CEP85: variants seen among roughly 807,000 people sequenced by gnomAD.
The protein encoded by CEP85 is centrosomal protein 85.
In CEP85, 58 loss-of-function variants were observed where a neutral mutation model predicts 93.7. That is an observed-to-expected ratio of 0.62 (90% confidence interval 0.50 to 0.77). The LOEUF (loss-of-function observed/expected upper bound fraction) is 0.77, where lower values mean the gene tolerates loss of function less well. Ranked by LOEUF, CEP85 falls within the 30% of genes least tolerant of loss-of-function variation. The pLI, the probability that CEP85 is intolerant of heterozygous loss-of-function variation, is 0.00. For missense variants in CEP85, 868 were observed against 922.0 expected (o/e 0.94, Z 0.76); for synonymous variants, 314 against 338.6 (o/e 0.93, Z 0.80).
intron 3 of CEP85, among the ~76,000 whole-genome samples, chr1:26,248,534 C>A (rs1040646299): frequency 1.3e-5 from 2 of 151,502 alleles, no homozygotes; most frequent in Non-Finnish European, 2.9e-5. Flanking sequence ...GTCGCTCTGT[C>A]GCCCAGGCTG....
intron 2 of CEP85, among the ~76,000 whole-genome samples, chr1:26,243,562 G>A (rs1051060841): frequency 1.3e-5 from 2 of 152,154 alleles, no homozygotes; most frequent in African/African-American, 2.4e-5. Context: ...GATTATGTTT[G>A]TAAGGTCCTG....
At chr1:26,260,213 AG>A (rs1377931314) in intron 7 of CEP85, among the ~76,000 whole-genome samples, 10 of 152,074 alleles carry the variant, frequency 6.6e-5, no homozygotes, top group African/African-American at 2.4e-4. Context: ...CATGTGCATC[AG>A]GCATGGTGGC....
chr1:26,261,861 A>C (rs1299794148), intron 7 of CEP85, among the ~76,000 whole-genome samples: 2 of 152,120 alleles, frequency 1.3e-5, no homozygotes. Context: ...TTACAATCCC[A>C]GGTGGTATTA....
chr1:26,251,642 C>T (rs2089617544), intron 3 of CEP85, among the ~76,000 whole-genome samples: 1 of 152,164 alleles, frequency 6.6e-6, no homozygotes, highest in Non-Finnish European at 1.5e-5. Context: ...ACCCAGTCAC[C>T]TCTTAGAGGC....
Position 26,263,502 on chromosome 1 carries a change from G to A in CEP85, c.1341+3700G>A, listed in dbSNP as rs1050544136. The stretch of plus-strand genomic sequence containing the variant: ...TGGCTGGGCTGAATGGCTGCCGGAT[G>A]GCAAAAGCTACAAAAAATTTTTAAA... On this transcript the variant is annotated intron_variant, in intron 7 of 13. Transcript: ENST00000451429. The A allele has an allele frequency of 1.9e-5, 3 of 154,348 alleles. 1 individual carries two copies. Among genetic ancestry groups the A allele is most frequent in the Admixed American group, 6.5e-5 (1 of 15,288 alleles). The allele number at this position is 154,348 out of a possible 1,614,324, so 9.6% of individuals were successfully genotyped here.
intron 2 of CEP85, among the ~76,000 whole-genome samples, chr1:26,241,438 G>T (rs1482399346): frequency 6.6e-6 from 1 of 151,824 alleles, no homozygotes; most frequent in Non-Finnish European, 1.5e-5. Flanking sequence ...TAGAGACGGG[G>T]TTTCACCATG....
rs770206403 is a variant in CEP85 at position 26,277,238 on chromosome 1, C to T, written c.2231C>T (p.Thr744Ile). Reference protein sequence around the residue: ...QLRRDIEDLRTTMSDRYAQDM... With the variant: ...QLRRDIEDLRITMSDRYAQDM... ...CGTCGTGACATTGAGGACTTAAGGA[C>T]CACCATGTCAGACAGATATGCCCAG... Residue 744 changes from threonine to isoleucine, a missense_variant, in exon 14 of 14, where the codon ACC becomes ATC. Thr to Ile is a moderately conservative substitution (Grantham distance 89, BLOSUM62 -1). Transcript: ENST00000451429. 1.3e-5 allele frequency: 21 copies of T among 1,614,044 alleles called. No homozygotes were observed. The highest frequency in any genetic ancestry group is 6.7e-5 in the African/African-American group (5 of 74,922).
intron 8 of CEP85, 121 bp downstream of exon 8, chr1:26,268,756 C>A: frequency 9.8e-7 from 1 of 1,019,060 alleles, no homozygotes; most frequent in Non-Finnish European, 1.4e-6. Context: ...CCAAAGCAGT[C>A]ATGTCCAGAT....
At chr1:26,240,724 A>G (rs1163070577) in intron 2 of CEP85, among the ~76,000 whole-genome samples, 2 of 152,126 alleles carry the variant, frequency 1.3e-5, no homozygotes, top group Admixed American at 6.5e-5. Context: ...GTAAAACTCC[A>G]TGTCTACTAA....
rs187913213 is a variant in CEP85 at position 26,262,535 on chromosome 1, G to A, written c.1341+2733G>A. Among the ~76,000 whole-genome samples the A allele has an allele frequency of 3.3e-3, 506 of 152,150 alleles. 3 individuals carry two copies. The highest frequency in any genetic ancestry group is 5.6e-3 in the Non-Finnish European group (380 of 67,982). On this transcript the variant is annotated intron_variant, in intron 7 of 13. Coordinates refer to ENST00000451429, the MANE Select transcript of CEP85 (RefSeq NM_001319944.2). ...CGGGGGGCGGGGGATGTGACTGTTG[G>A]AAGGGGAAAAGTCCTCGCTGACAAA...
At chr1:26,240,658 C>T (rs1398414877) in intron 2 of CEP85, among the ~76,000 whole-genome samples, 2 of 152,054 alleles carry the variant, frequency 1.3e-5, no homozygotes, top group African/African-American at 4.8e-5. Context: ...ACTTTGGGAG[C>T]CCAAGGCGGG....
chr1:26,249,949 G>A (rs997303151), intron 3 of CEP85, among the ~76,000 whole-genome samples: 4 of 152,112 alleles, frequency 2.6e-5, no homozygotes, highest in Non-Finnish European at 5.9e-5. Context: ...TACCATCATA[G>A]TGTACTATAG....
intron 1 of CEP85, among the ~76,000 whole-genome samples, chr1:26,235,564 A>ATTTTTTTTTTTTTTTTT (rs1185542130): frequency 5.8e-5 from 4 of 69,546 alleles, no homozygotes; most frequent in African/African-American, 2.3e-4. Context: ...TTAGATTGTA[A>ATTTTTTTTTTTTTTTTT]TTCTTTTTTT....
At chr1:26,253,668 G>C (rs952097547) in intron 3 of CEP85, among the ~76,000 whole-genome samples, 1 of 151,694 alleles carries the variant, frequency 6.6e-6, no homozygotes, top group Non-Finnish European at 1.5e-5. Context: ...GGGATTACAG[G>C]CATGAGCCAC....
At chr1:26,246,719 A>G (rs2089514622) in intron 3 of CEP85, among the ~76,000 whole-genome samples, 1 of 127,564 alleles carries the variant, frequency 7.8e-6, no homozygotes. Flanking sequence ...ACAGAGTGAG[A>G]CTCCGTCTTT....
Position 26,277,196 on chromosome 1 carries a change from A to C in CEP85, c.2189A>C (p.Glu730Ala). ...QKPDVIKRKL[E>A]EVQQLRRDIE... Reference sequence around the variant, plus strand: ...CCAGATGTGATCAAGAGGAAACTAGAAGAGGTTCAACAGCTGCGTCGTGAC... The same window carrying C: ...CCAGATGTGATCAAGAGGAAACTAGCAGAGGTTCAACAGCTGCGTCGTGAC... The change falls in exon 14 of 14, where the codon GAA (glutamate) becomes GCA (alanine). Residue 730 changes from glutamate (E) to alanine (A), a missense_variant. By Grantham distance (107) the Glu-to-Ala change is moderately radical (BLOSUM62 -1). Transcript: ENST00000451429. 4.3e-6 allele frequency: 7 copies of C among 1,614,166 alleles called. No individual in the cohort carries two copies. Among genetic ancestry groups the C allele is most frequent in the Non-Finnish European group, 5.9e-6 (7 of 1,179,982 alleles).
intron 3 of CEP85, among the ~76,000 whole-genome samples, chr1:26,252,391 G>C (rs1489577662): frequency 6.6e-6 from 1 of 151,782 alleles, no homozygotes; most frequent in African/African-American, 2.4e-5. Flanking sequence ...AATTAGCCGG[G>C]CGTGGTGGAG....
intron 1 of CEP85, 52 bp downstream of exon 1, chr1:26,234,362 C>T (rs1246921454): frequency 6.6e-6 from 1 of 152,284 alleles, no homozygotes; most frequent in African/African-American, 2.4e-5. Flanking sequence ...CCTTGCCTCT[C>T]CTCCCATAGC....
In CEP85 at chr1:26,244,256, G is replaced by C. The variant is rs1309367787; in HGVS notation, c.146G>C (p.Cys49Ser). The C allele has an allele frequency of 6.2e-7, 1 of 1,614,036 alleles. No individual in the cohort carries two copies. Among genetic ancestry groups the C allele is most frequent in the Admixed American group, 1.7e-5 (1 of 60,002 alleles). ...CCCTTTCGGAGCCGCTTCAGCCGCT[G>C]TTCAAGTGTAGCCGACAGTGGGGAC... is the stretch of plus-strand genomic sequence containing the variant. ...SEPFRSRFSR[C>S]SSVADSGDTA... The change falls in exon 3 of 14, where the codon TGT becomes TCT. Residue 49 changes from cysteine (C) to serine (S), a missense_variant. By Grantham distance (112) the Cys-to-Ser change is moderately radical (BLOSUM62 -1). Coordinates refer to ENST00000451429, the MANE Select transcript of CEP85 (RefSeq NM_001319944.2).
Sources: gnomAD v4.1 joint callset for allele counts (sites outside exome capture counted in the v4.1 genomes callset) on GRCh38, gnomAD v4.1.1 for gene constraint, MANE v1.5 for transcripts, NCBI Gene and HGNC (gene_info 2026-07-23, HGNC 2026-07-21) for gene names.